CFAP47: variants seen among roughly 807,000 people sequenced by gnomAD.
CFAP47 encodes cilia and flagella associated protein 47.
In CFAP47, 29 loss-of-function variants were observed where a neutral mutation model predicts 148.1. The observed-to-expected ratio is 0.20, with a 90% CI of 0.15 to 0.27. The LOEUF (loss-of-function observed/expected upper bound fraction) is 0.27. CFAP47 is among the 10% of genes least tolerant of loss of function. CFAP47 has a pLI of 1.00. For missense variants in CFAP47, 1,872 were observed against 1,697.5 expected (o/e 1.10, Z -1.81); for synonymous variants, 664 against 577.3 (o/e 1.15, Z -2.15).
chrX:36,371,678 ATATATG>A (rs1941944528), intron 62 of CFAP47, among the ~76,000 whole-genome samples: 2 of 73,283 alleles, frequency 2.7e-5, no homozygotes, highest in African/African-American at 1.3e-4. Flanking sequence ...ACACATGTGT[ATATATG>A]TGTGTATATA....
At chrX:36,361,571 T>C in intron 61 of CFAP47, 70 bp downstream of exon 61, 1 of 435,101 alleles carries the variant, frequency 2.3e-6, no homozygotes, top group South Asian at 9.5e-5. Context: ...TGTTGATTTC[T>C]CTTTTTATTT....
intron 49 of CFAP47, among the ~76,000 whole-genome samples, chrX:36,257,702 C>T (rs1020237233): frequency 1.8e-5 from 2 of 111,603 alleles, no homozygotes; most frequent in African/African-American, 6.5e-5. Flanking sequence ...AGATTATAGG[C>T]GTGAGCCACT....
chrX:35,927,087 A>G (rs1463405241), intron 2 of CFAP47, among the ~76,000 whole-genome samples: 2 of 109,219 alleles, frequency 1.8e-5, no homozygotes, highest in Non-Finnish European at 1.9e-5. Flanking sequence ...CCCAAGAGGT[A>G]GAGGCTACAG....
chrX:36,173,306 C>A (rs1939614330), intron 39 of CFAP47, among the ~76,000 whole-genome samples: 1 of 111,472 alleles, frequency 9.0e-6, no homozygotes, highest in African/African-American at 3.3e-5. Context: ...TCCTTCAGTT[C>A]TGCTCTGATT....
At chrX:35,923,604 G>A (rs1487511656) in intron 1 of CFAP47, among the ~76,000 whole-genome samples, 3 of 109,690 alleles carry the variant, frequency 2.7e-5, no homozygotes, top group African/African-American at 1.0e-4. Context: ...GGCAGATCAC[G>A]AGTTCAAGAG....
At chrX:36,152,198 A>G (rs1939316069) in intron 37 of CFAP47, among the ~76,000 whole-genome samples, 1 of 111,302 alleles carries the variant, frequency 9.0e-6, no homozygotes, top group Non-Finnish European at 1.9e-5. Flanking sequence ...TTTGGTATAC[A>G]TATACATTGT....
At chrX:36,266,097 C>T (rs1206093008) in intron 49 of CFAP47, among the ~76,000 whole-genome samples, 2 of 111,003 alleles carry the variant, frequency 1.8e-5, no homozygotes, top group African/African-American at 6.5e-5. Flanking sequence ...GAGGCACTGC[C>T]AGATTATTGG....
chrX:36,302,247 G>A (rs1431937436), intron 53 of CFAP47, among the ~76,000 whole-genome samples: 1 of 110,303 alleles, frequency 9.1e-6, no homozygotes, highest in Non-Finnish European at 1.9e-5. Context: ...CCTGGTGAAA[G>A]AACAAATTCA....
chrX:36,051,224 C>T (rs937246824), intron 26 of CFAP47, among the ~76,000 whole-genome samples: 9 of 111,269 alleles, frequency 8.1e-5, no homozygotes, highest in African/African-American at 2.9e-4. Context: ...CTCCAGACCC[C>T]AGATCCACCA....
chrX:36,256,681 C>A (rs1404977473), intron 49 of CFAP47, among the ~76,000 whole-genome samples: 1 of 111,702 alleles, frequency 9.0e-6, no homozygotes, highest in Non-Finnish European at 1.9e-5. Context: ...TGTAAAGATA[C>A]TTCTAGGGAT....
rs1556019221 is a variant in CFAP47, at chrX:36,361,422, A to T, written c.8944A>T (p.Ile2982Phe). ...KLESCVALYM[I>F]EKSYDIMAKR... ...GGAATCCTGTGTAGCTTTATATATG[A>T]TTGAAAAATCTTATGATATTATGGC... is the stretch of plus-strand genomic sequence containing the variant. Residue 2982 changes from isoleucine (I) to phenylalanine (F), a missense_variant, in exon 61 of 64, where the codon ATT becomes TTT. Transcript: ENST00000378653. 9.1e-7 allele frequency: 1 copy of T among 1,098,486 alleles called. No homozygotes were observed. The allele number at this position is 1,098,486 out of a possible 1,213,427, so 90.5% of individuals were successfully genotyped here. A position where few individuals can be genotyped will look rare whatever the true frequency, so the allele number is the denominator to read the frequency against.
At chrX:36,296,722 G>A (rs1470879990) in intron 51 of CFAP47, among the ~76,000 whole-genome samples, 5 of 112,000 alleles carry the variant, frequency 4.5e-5, no homozygotes, top group Admixed American at 9.5e-5. Context: ...CAGGACAAAT[G>A]TCTAGGCCAA....
chrX:35,938,495 C>T (rs775065098), intron 2 of CFAP47, among the ~76,000 whole-genome samples: 8 of 110,225 alleles, frequency 7.3e-5, no homozygotes, highest in East Asian at 5.7e-4. Flanking sequence ...CTAAGTTTGA[C>T]GAGTTTTTTT....
chrX:35,970,014 T>C (rs1936465283), intron 10 of CFAP47, among the ~76,000 whole-genome samples: 1 of 109,967 alleles, frequency 9.1e-6, no homozygotes, highest in Admixed American at 9.8e-5. Flanking sequence ...CTGCACCCAT[T>C]AACTCGTCAT....
At chrX:36,313,421 G>A (rs1343752175) in intron 56 of CFAP47, among the ~76,000 whole-genome samples, 1 of 110,458 alleles carries the variant, frequency 9.1e-6, no homozygotes, top group Non-Finnish European at 1.9e-5. Flanking sequence ...ACTCTCATCA[G>A]AACAGCATAG....
Position 35,953,595 on chromosome X carries a change from A to C in CFAP47, c.1050A>C (p.Leu350=), listed in dbSNP as rs1281017607. ...TVITFCFTPK[L]MAVGKKDIGP... ...ACTCATTGTGATTTTTTTACAGGCT[A>C]ATGGCTGTTGGTAAAAAGGATATTG... The change falls in exon 7 of 64, where the codon CTA becomes CTC. Residue 350 remains leucine, a synonymous_variant. Transcript: ENST00000378653. 1 of 1,185,709 alleles carries C rather than the reference A, an allele frequency of 8.4e-7. No individual in the cohort carries two copies. Among genetic ancestry groups the C allele is most frequent in the African/African-American group, 1.8e-5 (1 of 56,288 alleles).
At chrX:36,358,027 A>G (rs1334614128) in intron 60 of CFAP47, among the ~76,000 whole-genome samples, 2 of 111,606 alleles carry the variant, frequency 1.8e-5, no homozygotes, top group African/African-American at 6.5e-5. Context: ...TTGGCCTGTA[A>G]TCACAAACAG....
chrX:36,385,025 T>C lies in CFAP47; in HGVS notation c.*19T>C. The C allele has an allele frequency of 2.9e-6, 3 of 1,042,452 alleles. No homozygotes were observed. The highest frequency in any genetic ancestry group is 2.0e-5 in the South Asian group (1 of 49,412). 85.9% of individuals were successfully genotyped at this position (1,042,452 alleles called of 1,213,427 possible). On this transcript the variant is annotated 3_prime_UTR_variant, in exon 64 of 64. Transcript: ENST00000378653. ...TCAATAAAATTTTTTTCCAAAATATTTCTTGGTCTCAGGTAGAACTTTGAT... is the reference window on the plus strand; with the variant it reads ...TCAATAAAATTTTTTTCCAAAATATCTCTTGGTCTCAGGTAGAACTTTGAT...
intron 39 of CFAP47, among the ~76,000 whole-genome samples, chrX:36,161,620 G>A (rs1454886640): frequency 1.8e-5 from 2 of 111,548 alleles, no homozygotes; most frequent in Non-Finnish European, 3.8e-5. Flanking sequence ...GGAAGACGAC[G>A]GAAGGTGATA....
Sources: allele counts gnomAD v4.1 joint callset (sites outside exome capture counted in the v4.1 genomes callset), GRCh38; gene constraint gnomAD v4.1.1; transcripts MANE v1.5; gene names NCBI Gene and HGNC (gene_info 2026-07-23, HGNC 2026-07-21).